The following MCC variants were observed in gnomAD, a reference collection of about 807,000 sequenced individuals.
MCC encodes MCC regulator of Wnt signaling pathway.
MCC carries 90 observed loss-of-function variants against 116.2 expected under a neutral mutation model. The ratio of observed to expected loss-of-function variants is 0.77; its 90% CI spans 0.65 to 0.92. The LOEUF is 0.92. MCC is among the 40% of genes least tolerant of loss of function. The pLI is 0.00. For missense variants in MCC, 1,516 were observed against 1,312.2 expected, an observed-to-expected ratio of 1.16 and a Z score of -2.40; for synonymous variants, 578 against 510.5, an observed-to-expected ratio of 1.13 and a Z score of -1.78.
chr5:113,163,220 A>G (rs923989783), intron 3 of MCC, among the ~76,000 whole-genome samples: 15 of 152,308 alleles, frequency 9.8e-5, no homozygotes, highest in African/African-American at 3.4e-4. Flanking sequence ...ACGCATCTCA[A>G]TAGTACAAAA....
rs576378694 is a variant in MCC, at chr5:113,481,430, G to A, written c.170+6815C>T. On this transcript the variant is annotated intron_variant, in intron 1 of 18. Transcript: ENST00000408903. The stretch of plus-strand genomic sequence containing the variant: ...TAATTAAATTAATTAAATAAATAAT[G>A]AGATTACAACAAATATAAATCTTTT... 2.0e-5 allele frequency among the ~76,000 whole-genome samples: 3 copies of A among 152,184 alleles called. No homozygotes were observed. The East Asian group carries it at 5.8e-4, about 29-fold the overall frequency.
chr5:113,300,469 C>G (rs1416059880), intron 3 of MCC, among the ~76,000 whole-genome samples: 1 of 152,204 alleles, frequency 6.6e-6, no homozygotes, highest in Non-Finnish European at 1.5e-5. Context: ...GAATAATCTT[C>G]TCAACCACGC....
chr5:113,060,137 A>G (rs1043628598), intron 14 of MCC, among the ~76,000 whole-genome samples: 1 of 151,558 alleles, frequency 6.6e-6, no homozygotes, highest in Non-Finnish European at 1.5e-5. Flanking sequence ...TCCATCAAGG[A>G]GCAGCTCTTT....
intron 3 of MCC, among the ~76,000 whole-genome samples, chr5:113,179,258 T>A (rs1392570898): frequency 6.6e-6 from 1 of 152,164 alleles, no homozygotes; most frequent in Non-Finnish European, 1.5e-5. Context: ...GCCCCCTCCA[T>A]CTGCTTTAAG....
intron 1 of MCC, among the ~76,000 whole-genome samples, chr5:113,470,784 T>G (rs1772063974): frequency 6.6e-6 from 1 of 151,658 alleles, no homozygotes; most frequent in African/African-American, 2.4e-5. Flanking sequence ...TTTTCCAACT[T>G]GGTTCCATTC....
intron 1 of MCC, among the ~76,000 whole-genome samples, chr5:113,411,736 A>G (rs1769998338): frequency 6.6e-6 from 1 of 152,176 alleles, no homozygotes; most frequent in African/African-American, 2.4e-5. Flanking sequence ...GTTCACTCTG[A>G]TGGTAGTTTC....
chr5:113,235,567 G>C (rs935192213), intron 3 of MCC, among the ~76,000 whole-genome samples: 2 of 152,174 alleles, frequency 1.3e-5, no homozygotes, highest in African/African-American at 4.8e-5. Context: ...CAAATAAAAT[G>C]GTGAATGTGG....
chr5:113,333,647 T>C (rs186291235), intron 3 of MCC, among the ~76,000 whole-genome samples: 7 of 150,486 alleles, frequency 4.7e-5, no homozygotes, highest in Non-Finnish European at 1.5e-5. Context: ...TTCATCTGCA[T>C]AGAAATGAGT....
At chr5:113,177,526 A>T (rs549662271) in intron 3 of MCC, among the ~76,000 whole-genome samples, 1 of 152,372 alleles carries the variant, frequency 6.6e-6, no homozygotes, top group Admixed American at 6.5e-5. Context: ...CTTCAGTCAC[A>T]CAATCTGAAA....
Position 113,468,790 on chromosome 5 carries a change from C to T in MCC, c.170+19455G>A, listed in dbSNP as rs1269811024. ...TCCTCTTTGTACCTCTGGTAGAATT[C>T]GGCTGTGAATCCTTCTGGTCCTGGA... On this transcript the variant is annotated intron_variant, in intron 1 of 18. Coordinates refer to ENST00000408903, the MANE Select transcript of MCC (RefSeq NM_001085377.2). 1.8e-4 allele frequency among the ~76,000 whole-genome samples: 28 copies of T among 152,106 alleles called. 1 individual carries two copies. Among genetic ancestry groups the T allele is most frequent in the Non-Finnish European group, 3.1e-4 (21 of 68,024 alleles).
chr5:113,386,001 C>A (rs1219428894), intron 1 of MCC, among the ~76,000 whole-genome samples: 1 of 152,054 alleles, frequency 6.6e-6, no homozygotes, highest in African/African-American at 2.4e-5. Flanking sequence ...ATAACAAGAA[C>A]AATAACCCTA....
intron 3 of MCC, among the ~76,000 whole-genome samples, chr5:113,230,413 G>A (rs1370210865): frequency 6.6e-6 from 1 of 152,142 alleles, no homozygotes; most frequent in Non-Finnish European, 1.5e-5. Context: ...ACTAATCAAT[G>A]TGATATCACA....
chr5:113,247,935 TG>T (rs1228311302), intron 3 of MCC, among the ~76,000 whole-genome samples: 1 of 151,778 alleles, frequency 6.6e-6, no homozygotes, highest in Non-Finnish European at 1.5e-5. Context: ...GGAAGCACAG[TG>T]TTGAGAGTCG....
At chr5:113,084,445 T>G (rs772602186) in intron 9 of MCC, among the ~76,000 whole-genome samples, 2 of 152,248 alleles carry the variant, frequency 1.3e-5, no homozygotes, top group African/African-American at 4.8e-5. Flanking sequence ...TGTCAGCATC[T>G]CTGGCCTCTA....
chr5:113,206,212 GC>G (rs1762904068), intron 3 of MCC, among the ~76,000 whole-genome samples: 1 of 152,190 alleles, frequency 6.6e-6, no homozygotes, highest in South Asian at 2.1e-4. Flanking sequence ...CAGCATCCAA[GC>G]TTTACTGAGT....
intron 3 of MCC, among the ~76,000 whole-genome samples, chr5:113,221,912 T>C (rs544380122): frequency 6.6e-6 from 1 of 152,184 alleles, no homozygotes. Flanking sequence ...TGAATTACTC[T>C]TTCTCTATTG....
intron 5 of MCC, among the ~76,000 whole-genome samples, chr5:113,129,897 T>C (rs1439411026): frequency 6.6e-6 from 1 of 152,220 alleles, no homozygotes; most frequent in Non-Finnish European, 1.5e-5. Flanking sequence ...GGAGTCTAAA[T>C]TACTTCAACC....
intron 3 of MCC, among the ~76,000 whole-genome samples, chr5:113,215,857 T>TA (rs34304064): frequency 0.053 from 8,115 of 152,308 alleles, 592 homozygotes; most frequent in African/African-American, 0.17. Flanking sequence ...AGCCATTAGT[T>TA]AGTCATTCTA....
chr5:113,096,193 G>A lies in MCC; in HGVS notation c.1398+5546C>T, dbSNP rs190038221. 8.9e-4 allele frequency among the ~76,000 whole-genome samples: 135 copies of A among 152,348 alleles called. 1 individual carries two copies. The highest frequency in any genetic ancestry group is 3.1e-3 in the African/African-American group (129 of 41,582). ...GGCATGAGGAGAAGGCAGAAAGCCT[G>A]TAGCTCTTTCTCTCAGTTCACCTGC... On this transcript the variant is annotated intron_variant, in intron 8 of 18. Transcript: ENST00000408903.
Sources: gnomAD v4.1 joint callset for allele counts (sites outside exome capture counted in the v4.1 genomes callset) on GRCh38, gnomAD v4.1.1 for gene constraint, MANE v1.5 for transcripts, NCBI Gene and HGNC (gene_info 2026-07-23, HGNC 2026-07-21) for gene names.